NR3C2: variants seen among roughly 807,000 people sequenced by gnomAD.
NR3C2 encodes nuclear receptor subfamily 3 group C member 2, also known as mineralocorticoid receptor.
NR3C2 carries 15 observed loss-of-function variants against 86.4 expected under a neutral mutation model. That is an observed-to-expected ratio of 0.17 (90% CI 0.12 to 0.27). The LOEUF is 0.27. NR3C2 is among the 10% of genes least tolerant of loss of function. The pLI is 1.00. For missense variants in NR3C2, 960 were observed against 1,195.6 expected (o/e 0.80, Z 2.91); for synonymous variants, 458 against 450.5 (o/e 1.02, Z -0.21).
intron 4 of NR3C2, among the ~76,000 whole-genome samples, chr4:148,192,880 G>C (rs1452103319): frequency 6.6e-6 from 1 of 152,056 alleles, no homozygotes; most frequent in African/African-American, 2.4e-5. Context: ...AGAGGGGCTT[G>C]AACACTTGCC....
intron 3 of NR3C2, among the ~76,000 whole-genome samples, chr4:148,222,126 T>C (rs2149828535): frequency 6.6e-6 from 1 of 152,278 alleles, no homozygotes; most frequent in South Asian, 2.1e-4. Context: ...AATTCACTGA[T>C]ACTAAATTGG....
At chr4:148,199,160 A>G (rs1736590918) in intron 3 of NR3C2, among the ~76,000 whole-genome samples, 1 of 152,092 alleles carries the variant, frequency 6.6e-6, no homozygotes, top group African/African-American at 2.4e-5. Context: ...TAAGTGAGTA[A>G]AGAGCGTCCT....
chr4:148,299,995 T>C (rs1742257467), intron 2 of NR3C2, among the ~76,000 whole-genome samples: 1 of 152,192 alleles, frequency 6.6e-6, no homozygotes, highest in Admixed American at 6.5e-5. Context: ...CTGTAGCCAA[T>C]ATGGTGTGCT....
Position 148,436,518 on chromosome 4 carries a change from C to G in NR3C2, c.343G>C (p.Ala115Pro). 1 of 1,614,220 alleles carries G rather than the reference C, an allele frequency of 6.2e-7. No homozygotes were observed. Among genetic ancestry groups the G allele is most frequent in the Non-Finnish European group, 8.5e-7 (1 of 1,180,050 alleles). The part of the protein sequence containing the change: ...MGLYMDSVRD[A>P]DYSYEQQNQQ... ...TTCTGCTGCTCATAGGAATAGTCAGCATCTCTTACAGAATCCATATATAAA... is the reference window on the plus strand; with the variant it reads ...TTCTGCTGCTCATAGGAATAGTCAGGATCTCTTACAGAATCCATATATAAA... Residue 115 changes from alanine (A) to proline (P), a missense_variant, in exon 2 of 9, where the codon GCT (alanine) becomes CCT (proline). Around this residue, in one of 4 missense-constraint regions of NR3C2, gnomAD observed 680 missense variants for 719.0 expected, o/e 0.95. Transcript: ENST00000358102.
At position 148,274,607 on chromosome 4, in the gene NR3C2, T is replaced by C. The variant is rs148795527; in HGVS notation, c.1758-14490A>G. 6.5e-4 allele frequency among the ~76,000 whole-genome samples: 99 copies of C among 152,280 alleles called. 1 individual carries two copies. In the East Asian group the frequency reaches 0.019, roughly 29 times the overall value. On this transcript the variant is annotated intron_variant, in intron 2 of 8. Transcript: ENST00000358102. Reference sequence around the variant, plus strand: ...GCTTCCCCTTTGCCTTCTGCCATGATTGTAAGTTTCCTGAGGCCTCTCCAG... The same window carrying C: ...GCTTCCCCTTTGCCTTCTGCCATGACTGTAAGTTTCCTGAGGCCTCTCCAG...
intron 4 of NR3C2, among the ~76,000 whole-genome samples, chr4:148,171,660 C>T (rs945139577): frequency 6.6e-6 from 1 of 152,238 alleles, no homozygotes; most frequent in African/African-American, 2.4e-5. Context: ...CATCACTCAC[C>T]TCCTGCTGTG....
intron 2 of NR3C2, among the ~76,000 whole-genome samples, chr4:148,315,399 A>G (rs72655296): frequency 0.021 from 3,274 of 152,284 alleles, 110 homozygotes; most frequent in African/African-American, 0.074. Flanking sequence ...CTTGAAGAAG[A>G]TAAAAATAAA....
rs755950020 is a variant in NR3C2 at position 148,165,341 on chromosome 4, A to AT, written c.2015-10441dup. ...GAAGTTGCCTAAATTTAATTTCAGA[A>AT]TTTTTTTTTATGATTAGTGTAATTT... On this transcript the variant is annotated intron_variant, in intron 4 of 8. Transcript: ENST00000358102. Among the ~76,000 whole-genome samples the AT allele has an allele frequency of 2.6e-3, 391 of 151,648 alleles. 1 individual carries two copies. The highest frequency in any genetic ancestry group is 3.9e-3 in the Non-Finnish European group (266 of 67,832).
At chr4:148,136,138 T>C (rs1430654816) in intron 6 of NR3C2, among the ~76,000 whole-genome samples, 1 of 150,612 alleles carries the variant, frequency 6.6e-6, no homozygotes, top group East Asian at 1.9e-4. Context: ...TTGTCCAGTC[T>C]GTGTTCTCTC....
intron 2 of NR3C2, among the ~76,000 whole-genome samples, chr4:148,289,527 T>C (rs1028850157): frequency 1.9e-4 from 29 of 152,298 alleles, no homozygotes; most frequent in South Asian, 6.2e-4. Context: ...AATCCAATTA[T>C]AGTATTTTTA....
chr4:148,291,024 G>A (rs762287888), intron 2 of NR3C2, among the ~76,000 whole-genome samples: 8 of 152,000 alleles, frequency 5.3e-5, no homozygotes, highest in East Asian at 3.9e-4. Context: ...TTCTGCACTC[G>A]TCTACTTAAC....
At chr4:148,101,711 G>A (rs1170647534) in intron 8 of NR3C2, among the ~76,000 whole-genome samples, 1 of 152,164 alleles carries the variant, frequency 6.6e-6, no homozygotes, top group African/African-American at 2.4e-5. Context: ...TAAGCTGATG[G>A]GATTTCTTAG....
At chr4:148,239,631 G>A (rs1738918749) in intron 3 of NR3C2, among the ~76,000 whole-genome samples, 1 of 152,220 alleles carries the variant, frequency 6.6e-6, no homozygotes, top group Admixed American at 6.5e-5. Flanking sequence ...GAAGCCACCA[G>A]GCCACCAGAA....
intron 1 of NR3C2, among the ~76,000 whole-genome samples, 164 bp downstream of exon 1, chr4:148,441,996 A>AG (rs1750365485): frequency 6.6e-6 from 1 of 152,326 alleles, no homozygotes; most frequent in African/African-American, 2.4e-5. Context: ...TGGCGGCCAA[A>AG]GGGGGAGAAA....
At chr4:148,092,789 C>T (rs1009403067) in intron 8 of NR3C2, among the ~76,000 whole-genome samples, 1 of 152,186 alleles carries the variant, frequency 6.6e-6, no homozygotes, top group Non-Finnish European at 1.5e-5. Flanking sequence ...GTGCTAGGAG[C>T]CCCATTCTCT....
At chr4:148,374,767 C>A (rs543447564) in intron 2 of NR3C2, among the ~76,000 whole-genome samples, 10 of 152,236 alleles carry the variant, frequency 6.6e-5, no homozygotes, top group Admixed American at 4.6e-4. Flanking sequence ...AAAATTCATC[C>A]CAGTAACTGG....
chr4:148,211,424 A>T (rs1027036779), intron 3 of NR3C2, among the ~76,000 whole-genome samples: 1 of 152,222 alleles, frequency 6.6e-6, no homozygotes, highest in African/African-American at 2.4e-5. Context: ...GCAGACATGG[A>T]AGGCTCATTG....
chr4:148,402,931 C>T (rs186409996), intron 2 of NR3C2, among the ~76,000 whole-genome samples: 18 of 151,986 alleles, frequency 1.2e-4, no homozygotes, highest in Admixed American at 2.6e-4. Context: ...ATAGTGGTTC[C>T]TTTGGTTTTG....
intron 4 of NR3C2, among the ~76,000 whole-genome samples, chr4:148,160,998 T>G (rs140705424): frequency 2.6e-5 from 4 of 152,296 alleles, no homozygotes; most frequent in Non-Finnish European, 4.4e-5. Flanking sequence ...AGCAATGTCA[T>G]CCTTCTATAG....
Sources: allele counts gnomAD v4.1 joint callset (sites outside exome capture counted in the v4.1 genomes callset), GRCh38; gene constraint gnomAD v4.1.1; regional missense constraint gnomAD v4.1.1; transcripts MANE v1.5; gene names NCBI Gene and HGNC (gene_info 2026-07-23, HGNC 2026-07-21).